Variants in EHHADH observed in about 807,000 individuals in gnomAD.
The protein encoded by EHHADH is enoyl-CoA hydratase and 3-hydroxyacyl CoA dehydrogenase, also known as peroxisomal bifunctional enzyme.
EHHADH carries 48 observed loss-of-function variants against 64.4 expected under a neutral mutation model. The observed-to-expected ratio is 0.75, with a 90% CI of 0.59 to 0.95. The LOEUF is 0.95. Ranked by LOEUF, EHHADH falls within the 40% of genes least tolerant of loss-of-function variation. EHHADH has a pLI of 0.00. For missense variants in EHHADH, 854 were observed against 876.6 expected (o/e 0.97, Z 0.33); for synonymous variants, 308 against 326.7 (o/e 0.94, Z 0.62).
At chr3:185,205,536 A>G (rs548006633) in intron 5 of EHHADH, among the ~76,000 whole-genome samples, 1 of 152,318 alleles carries the variant, frequency 6.6e-6, no homozygotes, top group South Asian at 2.1e-4. Context: ...ATAGCCAATG[A>G]TTTTCAACAT....
chr3:185,248,465 G>T lies in EHHADH; in HGVS notation c.127C>A (p.His43Asn). ...KEGLQKAVID[H>N]TIKAIVICGA... ...CAAATCACAATGGCTTTTATTGTATGGTCTATTACAGCTTTCTGTAGTCCT... is the reference window on the plus strand; with the variant it reads ...CAAATCACAATGGCTTTTATTGTATTGTCTATTACAGCTTTCTGTAGTCCT... The change falls in exon 2 of 7, where the codon CAT becomes AAT. Residue 43 changes from histidine to asparagine, a missense_variant. Physicochemically the swap from His to Asn is moderately conservative, Grantham distance 68 (BLOSUM62 1). Coordinates refer to ENST00000231887, the MANE Select transcript of EHHADH (RefSeq NM_001966.4). The T allele has an allele frequency of 6.2e-7, 1 of 1,614,014 alleles. No homozygotes were observed. Among genetic ancestry groups the T allele is most frequent in the Non-Finnish European group, 8.5e-7 (1 of 1,179,956 alleles).
intron 2 of EHHADH, among the ~76,000 whole-genome samples, chr3:185,237,243 T>G (rs886783222): frequency 6.6e-6 from 1 of 152,222 alleles, no homozygotes; most frequent in Non-Finnish European, 1.5e-5. Flanking sequence ...TAAATTTTCT[T>G]ATTAATTCTA....
chr3:185,246,355 C>A, intron 2 of EHHADH: 1 of 700,254 alleles, frequency 1.4e-6, no homozygotes. Context: ...GTTTGAGTAT[C>A]CCCTTCCTCA....
At chr3:185,252,583 A>G (rs1337162040) in intron 1 of EHHADH, among the ~76,000 whole-genome samples, 1 of 152,166 alleles carries the variant, frequency 6.6e-6, no homozygotes, top group African/African-American at 2.4e-5. Context: ...TTTCTTTGTC[A>G]AAACCAATAT....
At position 185,192,711 on chromosome 3, in the gene EHHADH, C is replaced by T; in HGVS notation, c.1687G>A (p.Asp563Asn). Residue 563 changes from aspartate to asparagine, a missense_variant, in exon 7 of 7, where the codon GAT (aspartate) becomes AAT (asparagine). By Grantham distance (23) the Asp-to-Asn change is conservative. Coordinates refer to ENST00000231887, the MANE Select transcript of EHHADH (RefSeq NM_001966.4). ...AATCGTCCTAATTCACAGAGCACAT[C>T]AGGAATTGGGCAGTACCTCCTATTA... is the stretch of plus-strand genomic sequence containing the variant. ...RGNRRYCPIPDVLCELGRFGQ... is the reference protein window; with the variant it reads ...RGNRRYCPIPNVLCELGRFGQ... The T allele has an allele frequency of 6.2e-7, 1 of 1,614,156 alleles. No individual in the cohort carries two copies. Among genetic ancestry groups the T allele is most frequent in the Non-Finnish European group, 8.5e-7 (1 of 1,180,028 alleles).
Position 185,254,017 on chromosome 3 carries a change from G to A in EHHADH, c.6C>T (p.Ala2=), listed in dbSNP as rs141515588. M[A]EYTRLHNALA... is the part of the protein sequence containing the mutation. ...AGGCGTTGTGCAGCCGCGTATACTCGGCCATGTTTCCTCTATCACCGAGGG... is the reference window on the plus strand; with the variant it reads ...AGGCGTTGTGCAGCCGCGTATACTCAGCCATGTTTCCTCTATCACCGAGGG... Residue 2 remains alanine (A), a synonymous_variant, in exon 1 of 7, where the codon GCC becomes GCT. Coordinates refer to ENST00000231887, the MANE Select transcript of EHHADH (RefSeq NM_001966.4). The A allele has an allele frequency of 1.9e-6, 3 of 1,613,750 alleles. No homozygotes were observed. The highest frequency in any genetic ancestry group is 1.1e-5 in the South Asian group (1 of 91,060).
At chr3:185,239,956 T>C (rs1719402614) in intron 2 of EHHADH, among the ~76,000 whole-genome samples, 1 of 152,032 alleles carries the variant, frequency 6.6e-6, no homozygotes, top group Non-Finnish European at 1.5e-5. Context: ...TATTTTTTGA[T>C]GTCTAGTTTG....
intron 2 of EHHADH, among the ~76,000 whole-genome samples, chr3:185,235,731 C>T (rs1192218637): frequency 6.6e-6 from 1 of 152,016 alleles, no homozygotes; most frequent in Non-Finnish European, 1.5e-5. Flanking sequence ...TAAAATCTAT[C>T]TTTCCATATA....
At chr3:185,204,359 G>T in intron 6 of EHHADH, 57 bp downstream of exon 6, 4 of 1,469,492 alleles carry the variant, frequency 2.7e-6, no homozygotes, top group Non-Finnish European at 2.8e-6. Flanking sequence ...CTAAGCAAAT[G>T]GTAGCACATT....
intron 5 of EHHADH, among the ~76,000 whole-genome samples, chr3:185,206,577 T>C (rs1309301042): frequency 1.6e-4 from 25 of 152,062 alleles, no homozygotes; most frequent in Admixed American, 1.6e-3. Flanking sequence ...CCTGTAATCC[T>C]AGCACTTTGG....
chr3:185,231,758 G>A (rs1279029118), intron 3 of EHHADH, among the ~76,000 whole-genome samples: 4 of 152,218 alleles, frequency 2.6e-5, no homozygotes, highest in Admixed American at 6.5e-5. Context: ...AATCTATAGA[G>A]ACAGAAAGTA....
At chr3:185,240,413 C>CA (rs1187348948) in intron 2 of EHHADH, among the ~76,000 whole-genome samples, 2 of 151,040 alleles carry the variant, frequency 1.3e-5, no homozygotes, top group African/African-American at 2.4e-5. Flanking sequence ...TTTTTTTGGT[C>CA]AAAAAATTTT....
At chr3:185,210,188 G>A (rs1718502764) in intron 5 of EHHADH, among the ~76,000 whole-genome samples, 1 of 152,194 alleles carries the variant, frequency 6.6e-6, no homozygotes, top group Admixed American at 6.5e-5. Context: ...TCTCTGTCTT[G>A]TGATACTACC....
chr3:185,204,154 A>AT (rs1718310290), intron 6 of EHHADH, among the ~76,000 whole-genome samples: 1 of 150,804 alleles, frequency 6.6e-6, no homozygotes, highest in Non-Finnish European at 1.5e-5. Flanking sequence ...AAAAAAAAAA[A>AT]AAAAGAATAA....
chr3:185,197,617 G>A (rs1293040570), intron 6 of EHHADH, among the ~76,000 whole-genome samples: 2 of 152,162 alleles, frequency 1.3e-5, no homozygotes, highest in African/African-American at 4.8e-5. Flanking sequence ...TGTAACATGT[G>A]TCAGAATTTT....
chr3:185,230,657 C>T (rs1719127344), intron 3 of EHHADH, among the ~76,000 whole-genome samples: 1 of 114,222 alleles, frequency 8.8e-6, no homozygotes, highest in Non-Finnish European at 1.8e-5. Context: ...GACCACATAT[C>T]GTATGATTCT....
chr3:185,205,130 G>A (rs981110392), intron 5 of EHHADH, among the ~76,000 whole-genome samples: 4 of 151,258 alleles, frequency 2.6e-5, no homozygotes, highest in Non-Finnish European at 5.9e-5. Flanking sequence ...TGAGTCTAAG[G>A]AAAACGGTTC....
rs113852839 is a variant in EHHADH, at chr3:185,235,011, G to A, written c.351+279C>T. Among the ~76,000 whole-genome samples the A allele has an allele frequency of 5.4e-3, 824 of 152,042 alleles. 10 individuals carry two copies. Among genetic ancestry groups the A allele is most frequent in the African/African-American group, 0.019 (774 of 41,462 alleles). On this transcript the variant is annotated intron_variant, in intron 3 of 6. Coordinates refer to ENST00000231887, the MANE Select transcript of EHHADH (RefSeq NM_001966.4). ...AGCCTGGCCAACATGGTGAAACCCC[G>A]TCTCTACTAAAAATACAAAAATTTG...
At chr3:185,226,631 A>G (rs1202575836) in intron 4 of EHHADH, among the ~76,000 whole-genome samples, 1 of 146,580 alleles carries the variant, frequency 6.8e-6, no homozygotes, top group Non-Finnish European at 1.5e-5. Context: ...CCTGGGTGAC[A>G]AGAGTGAAAC....
Sources: gnomAD v4.1 joint callset for allele counts (sites outside exome capture counted in the v4.1 genomes callset) on GRCh38, gnomAD v4.1.1 for gene constraint, MANE v1.5 for transcripts, NCBI Gene and HGNC (gene_info 2026-07-23, HGNC 2026-07-21) for gene names.